The following RBFOX1 variants were observed in gnomAD, a reference collection of about 807,000 sequenced individuals.
RBFOX1 encodes RNA binding fox-1 homolog 1, also known as RNA binding protein fox-1 homolog 1.
Under a neutral mutation model 57.7 loss-of-function variants are expected in RBFOX1, and 8 were observed. The ratio of observed to expected loss-of-function variants is 0.14; its 90% CI spans 0.08 to 0.25. The LOEUF (loss-of-function observed/expected upper bound fraction) is 0.25, where lower values mean the gene tolerates loss of function less well. RBFOX1 is among the 10% of genes least tolerant of loss of function. RBFOX1 has a pLI of 1.00. For synonymous variants in RBFOX1, 326 were observed against 222.4 expected (o/e 1.47, Z -4.15); for missense variants, 611 against 548.5 (o/e 1.11, Z -1.14).
At chr16:7,461,487 T>G (rs1001686122) in intron 4 of RBFOX1, among the ~76,000 whole-genome samples, 1 of 152,128 alleles carries the variant, frequency 6.6e-6, no homozygotes, top group Non-Finnish European at 1.5e-5. Context: ...TAAATAAAAT[T>G]TTATAGAATA....
At chr16:6,766,711 C>A (rs886523233) in intron 3 of RBFOX1, among the ~76,000 whole-genome samples, 2 of 151,982 alleles carry the variant, frequency 1.3e-5, no homozygotes, top group African/African-American at 2.4e-5. Flanking sequence ...AACTCTAGAG[C>A]CTCTTCTGAA....
At position 5,478,172 on chromosome 16, in the gene RBFOX1, G is replaced by A. The variant is rs554192176; in HGVS notation, c.258+10918G>A. On this transcript the variant is annotated intron_variant, in intron 2 of 2. Transcript: ENST00000585867. Reference sequence around the variant, plus strand: ...GTCCTCCCTTGGGGCTCAGCTTGGCGGAGTAAATTTCAGAGCCTTGGCATT... The same window carrying A: ...GTCCTCCCTTGGGGCTCAGCTTGGCAGAGTAAATTTCAGAGCCTTGGCATT... 9.1e-4 allele frequency among the ~76,000 whole-genome samples: 138 copies of A among 152,252 alleles called. 1 individual carries two copies. Among genetic ancestry groups the A allele is most frequent in the African/African-American group, 2.9e-3 (122 of 41,544 alleles).
chr16:5,407,075 C>T (rs1162181673), intron 1 of RBFOX1, among the ~76,000 whole-genome samples: 2 of 152,002 alleles, frequency 1.3e-5, no homozygotes, highest in African/African-American at 4.8e-5. Flanking sequence ...GTGGGGAGGC[C>T]TCAGGAAACT....
In RBFOX1 at chr16:6,246,861, G is replaced by T. The variant is rs556082549; in HGVS notation, c.-126-70134G>T. Among the ~76,000 whole-genome samples, 304 of 152,272 alleles carry T rather than the reference G, an allele frequency of 2.0e-3. 2 individuals are homozygous for T. The highest frequency in any genetic ancestry group is 3.7e-3 in the Non-Finnish European group (251 of 68,038). On this transcript the variant is annotated intron_variant, in intron 1 of 15. Transcript: ENST00000550418. ...AGGCGGGCGGATCACCTGAGGTCAG[G>T]AGTTTGAGACCAGCCTGGCCAACAT... is the stretch of plus-strand genomic sequence containing the variant.
At chr16:5,672,979 T>C (rs1314944456) in intron 3 of RBFOX1, among the ~76,000 whole-genome samples, 1 of 151,968 alleles carries the variant, frequency 6.6e-6, no homozygotes, top group African/African-American at 2.4e-5. Flanking sequence ...GTTGGGTCAG[T>C]AATTGCTCAG....
chr16:6,745,306 C>T (rs996777039), intron 3 of RBFOX1, among the ~76,000 whole-genome samples: 23 of 151,932 alleles, frequency 1.5e-4, no homozygotes, highest in South Asian at 4.2e-4. Context: ...TATGAGGCAA[C>T]GATTACTGTA....
At position 7,597,092 on chromosome 16, in the gene RBFOX1, G is replaced by T. The variant is rs2094741609; in HGVS notation, c.562-279G>T. The T allele has an allele frequency of 1.2e-5, 3 of 258,770 alleles. No homozygotes were observed. In the South Asian group the frequency reaches 2.7e-4, roughly 23 times the overall value. 16.0% of individuals were successfully genotyped at this position (258,770 alleles called of 1,614,324 possible). A position where few individuals can be genotyped will look rare whatever the true frequency, so the allele number is the denominator to read the frequency against. On this transcript the variant is annotated intron_variant, in intron 8 of 15. Coordinates refer to ENST00000550418, the MANE Select transcript of RBFOX1 (RefSeq NM_018723.4). ...CGCATGCTTTTAAATCTTCAATTAT[G>T]CAGAATCTTTTAATTTGCTTTTACT...
rs2152967555 is a variant in RBFOX1 at position 7,240,543 on chromosome 16, T to G, written c.27+188445T>G. Among the ~76,000 whole-genome samples the G allele has an allele frequency of 2.6e-5, 4 of 152,026 alleles. No individual in the cohort carries two copies. In the South Asian group the frequency reaches 8.3e-4, roughly 32 times the overall value. The stretch of plus-strand genomic sequence containing the variant: ...ACTGGGGTTTTCGTGGTGTTTTTTG[T>G]TTGTTTGTTTGTTTTTGTTTGTTTG... On this transcript the variant is annotated intron_variant, in intron 4 of 15. Transcript: ENST00000550418.
intron 3 of RBFOX1, among the ~76,000 whole-genome samples, chr16:6,779,307 G>A (rs1211905579): frequency 6.6e-6 from 1 of 151,990 alleles, no homozygotes; most frequent in African/African-American, 2.4e-5. Flanking sequence ...TTGGCATCAT[G>A]TCCTCCAGTT....
chr16:6,460,720 A>G (rs1426229846), intron 2 of RBFOX1, among the ~76,000 whole-genome samples: 1 of 152,008 alleles, frequency 6.6e-6, no homozygotes, highest in African/African-American at 2.4e-5. Context: ...CAAAAATACC[A>G]TTTGCTGCAG....
intron 4 of RBFOX1, among the ~76,000 whole-genome samples, chr16:7,400,794 G>C (rs981323750): frequency 1.3e-5 from 2 of 152,194 alleles, no homozygotes; most frequent in African/African-American, 4.8e-5. Flanking sequence ...CAGCATGGTG[G>C]TGATGTTAGG....
chr16:5,716,673 A>G (rs575459592), intron 3 of RBFOX1, among the ~76,000 whole-genome samples: 1 of 152,376 alleles, frequency 6.6e-6, no homozygotes, highest in South Asian at 2.1e-4. Context: ...GCCCAAAGAC[A>G]GGAATACCAC....
At position 5,842,113 on chromosome 16, in the gene RBFOX1, C is replaced by T. The variant is rs375507211; in HGVS notation, c.319-25190C>T. On this transcript the variant is annotated intron_variant, in intron 3 of 19. Transcript: ENST00000641259. The stretch of plus-strand genomic sequence containing the variant: ...GTGTGTCAGGTTCCTGGAGAGAGGC[C>T]TGGAAGAGTGAGAAGGAAATGGAAC... Among the ~76,000 whole-genome samples the T allele has an allele frequency of 1.3e-3, 196 of 152,172 alleles. 2 individuals carry two copies. The South Asian group carries it at 0.04, about 31-fold the overall frequency.
intron 3 of RBFOX1, among the ~76,000 whole-genome samples, chr16:5,704,480 G>C (rs908187939): frequency 7.2e-5 from 11 of 152,130 alleles, no homozygotes; most frequent in Non-Finnish European, 1.5e-4. Flanking sequence ...GCAGTGCTGG[G>C]AGCCAACCAG....
At chr16:6,496,884 C>T (rs1182395007) in intron 2 of RBFOX1, among the ~76,000 whole-genome samples, 1 of 152,070 alleles carries the variant, frequency 6.6e-6, no homozygotes, top group Non-Finnish European at 1.5e-5. Flanking sequence ...CGCTTGAACC[C>T]AGGAGGTGGA....
At chr16:7,701,645 T>A (rs1380340677) in intron 14 of RBFOX1, among the ~76,000 whole-genome samples, 1 of 151,700 alleles carries the variant, frequency 6.6e-6, no homozygotes, top group Non-Finnish European at 1.5e-5. Context: ...AACTTCAGTA[T>A]CTTGAGAAGC....
intron 2 of RBFOX1, among the ~76,000 whole-genome samples, chr16:6,408,930 T>C (rs1267173361): frequency 2.6e-5 from 4 of 152,188 alleles, no homozygotes; most frequent in African/African-American, 9.7e-5. Context: ...ATTTTATCAT[T>C]TTCTTTTGGT....
At chr16:5,787,364 C>T (rs1445196178) in intron 3 of RBFOX1, among the ~76,000 whole-genome samples, 2 of 152,144 alleles carry the variant, frequency 1.3e-5, no homozygotes, top group Non-Finnish European at 2.9e-5. Context: ...AATGATGTTT[C>T]CTGGCAATGA....
intron 2 of RBFOX1, among the ~76,000 whole-genome samples, chr16:6,536,667 T>C (rs537390661): frequency 2.4e-3 from 371 of 152,248 alleles, no homozygotes; most frequent in African/African-American, 8.4e-3. Context: ...TGAGGGTTCT[T>C]GGATTGCTAT....
Sources: gnomAD v4.1 joint callset for allele counts (sites outside exome capture counted in the v4.1 genomes callset) on GRCh38, gnomAD v4.1.1 for gene constraint, MANE v1.5 for transcripts, NCBI Gene and HGNC (gene_info 2026-07-23, HGNC 2026-07-21) for gene names.